The following CACNA2D3 variants were observed in gnomAD, a reference collection of about 807,000 sequenced individuals.
CACNA2D3 encodes the protein calcium voltage-gated channel auxiliary subunit alpha2delta 3.
Under a neutral mutation model 160.6 loss-of-function variants are expected in CACNA2D3, and 60 were observed. That is an observed-to-expected ratio of 0.37 (90% CI 0.30 to 0.46). The LOEUF is 0.46. Ranked by LOEUF, CACNA2D3 falls within the 20% of genes least tolerant of loss-of-function variation. The pLI, the probability that CACNA2D3 is intolerant of heterozygous loss-of-function variation, is 1.00. For synonymous variants in CACNA2D3, 558 were observed against 492.9 expected (o/e 1.13, Z -1.75); for missense variants, 1,205 against 1,365.0 (o/e 0.88, Z 1.85).
intron 27 of CACNA2D3, among the ~76,000 whole-genome samples, chr3:54,952,282 A>G (rs1575402701): frequency 6.6e-6 from 1 of 152,280 alleles, no homozygotes; most frequent in South Asian, 2.1e-4. Flanking sequence ...GGTTTCCTAG[A>G]AACTAAGCCC....
intron 5 of CACNA2D3, among the ~76,000 whole-genome samples, chr3:54,527,922 T>C (rs956653757): frequency 6.6e-6 from 1 of 152,234 alleles, no homozygotes; most frequent in Non-Finnish European, 1.5e-5. Context: ...ATTTGCTATA[T>C]GCCCTTAGGA....
intron 13 of CACNA2D3, among the ~76,000 whole-genome samples, chr3:54,787,697 T>A (rs1702667960): frequency 6.6e-6 from 1 of 152,132 alleles, no homozygotes; most frequent in Non-Finnish European, 1.5e-5. Context: ...GGTGGCACAT[T>A]GTGGGAAGGT....
intron 14 of CACNA2D3, 26 bp from the exon 15 acceptor site, chr3:54,837,133 G>A: frequency 5.6e-6 from 9 of 1,610,652 alleles, no homozygotes; most frequent in East Asian, 4.5e-5. Context: ...CCGTTCCCCG[G>A]TAACTGGCTT....
chr3:54,948,167 A>G (rs972286664), intron 27 of CACNA2D3, among the ~76,000 whole-genome samples: 19 of 152,146 alleles, frequency 1.2e-4, no homozygotes, highest in Admixed American at 9.2e-4. Flanking sequence ...TCTCACCCCC[A>G]GCTCACTTTC....
At chr3:54,488,020 C>T (rs967568581) in intron 4 of CACNA2D3, among the ~76,000 whole-genome samples, 1 of 152,158 alleles carries the variant, frequency 6.6e-6, no homozygotes, top group African/African-American at 2.4e-5. Flanking sequence ...TGTGCTAAGA[C>T]CTGAAGCCAC....
intron 4 of CACNA2D3, among the ~76,000 whole-genome samples, chr3:54,451,229 C>CTTT (rs71074970): frequency 0.097 from 5,023 of 51,726 alleles, 1,663 homozygotes; most frequent in Non-Finnish European, 0.12. Flanking sequence ...ATATAATAAT[C>CTTT]TTTTTTTTTT....
chr3:54,950,276 A>G (rs891780616), intron 27 of CACNA2D3, among the ~76,000 whole-genome samples: 9 of 152,236 alleles, frequency 5.9e-5, no homozygotes, highest in Non-Finnish European at 8.8e-5. Context: ...ACTGGCCCAA[A>G]TGAACGTAGA....
chr3:55,052,452 G>A (rs924080168), intron 35 of CACNA2D3, among the ~76,000 whole-genome samples: 13 of 121,934 alleles, frequency 1.1e-4, no homozygotes, highest in South Asian at 5.0e-4. Context: ...ATATACCTGT[G>A]TGTGTATATA....
intron 14 of CACNA2D3, among the ~76,000 whole-genome samples, chr3:54,823,636 G>A (rs1037238961): frequency 1.6e-4 from 25 of 152,078 alleles, no homozygotes; most frequent in African/African-American, 5.8e-4. Flanking sequence ...ATATTAAGAA[G>A]CCATAAACAA....
chr3:54,624,495 G>A (rs912279554), intron 9 of CACNA2D3, among the ~76,000 whole-genome samples: 1 of 152,108 alleles, frequency 6.6e-6, no homozygotes, highest in African/African-American at 2.4e-5. Flanking sequence ...GGTGGCGGGC[G>A]CCTGTAGTCC....
At chr3:54,308,528 G>A (rs1371107427) in intron 2 of CACNA2D3, among the ~76,000 whole-genome samples, 1 of 152,180 alleles carries the variant, frequency 6.6e-6, no homozygotes, top group African/African-American at 2.4e-5. Context: ...TCACTATGTG[G>A]AAGGCTACCT....
chr3:55,016,271 G>A (rs1046830514), intron 34 of CACNA2D3, among the ~76,000 whole-genome samples: 5 of 152,208 alleles, frequency 3.3e-5, no homozygotes, highest in East Asian at 1.9e-4. Flanking sequence ...TAGCACGAGT[G>A]CAGCAGGAGT....
At chr3:54,952,941 AG>A (rs1701795732) in intron 27 of CACNA2D3, among the ~76,000 whole-genome samples, 1 of 152,194 alleles carries the variant, frequency 6.6e-6, no homozygotes, top group Admixed American at 6.5e-5. Flanking sequence ...AACTTTTCAT[AG>A]GGATTTGAAG....
At chr3:54,650,830 C>T (rs1054283905) in intron 11 of CACNA2D3, among the ~76,000 whole-genome samples, 6 of 152,162 alleles carry the variant, frequency 3.9e-5, no homozygotes, top group Admixed American at 1.3e-4. Context: ...AAACCAATTT[C>T]TTATACCCCA....
At chr3:54,657,246 C>A (rs984932255) in intron 11 of CACNA2D3, among the ~76,000 whole-genome samples, 4 of 152,128 alleles carry the variant, frequency 2.6e-5, no homozygotes, top group African/African-American at 9.7e-5. Context: ...TGGATGTGTA[C>A]GTGCAGGTCA....
At chr3:54,313,747 C>G (rs1703798401) in intron 2 of CACNA2D3, among the ~76,000 whole-genome samples, 1 of 150,578 alleles carries the variant, frequency 6.6e-6, no homozygotes, top group Admixed American at 6.6e-5. Context: ...CCCTCCCACC[C>G]CACCCCCAGC....
intron 10 of CACNA2D3, chr3:54,632,169 A>G (rs1004016738): frequency 7.2e-5 from 11 of 152,272 alleles, no homozygotes; most frequent in South Asian, 4.1e-4. Flanking sequence ...TCAAAATTCT[A>G]CAGCTACAGA....
intron 4 of CACNA2D3, among the ~76,000 whole-genome samples, chr3:54,439,532 T>C (rs1249465644): frequency 6.6e-6 from 1 of 152,144 alleles, no homozygotes; most frequent in Non-Finnish European, 1.5e-5. Flanking sequence ...TCCTGCCCCC[T>C]GAATTTCTGT....
chr3:54,514,648 T>C (rs1701514660), intron 5 of CACNA2D3, among the ~76,000 whole-genome samples: 1 of 151,764 alleles, frequency 6.6e-6, no homozygotes, highest in Non-Finnish European at 1.5e-5. Flanking sequence ...TGTGGTACAG[T>C]AAGAGTGTAT....
Sources: gnomAD v4.1 joint callset for allele counts (sites outside exome capture counted in the v4.1 genomes callset) on GRCh38, gnomAD v4.1.1 for gene constraint, MANE v1.5 for transcripts, NCBI Gene and HGNC (gene_info 2026-07-23, HGNC 2026-07-21) for gene names.